HTRA3: variants seen among roughly 807,000 people sequenced by gnomAD.
HTRA3 encodes the protein serine protease HTRA3.
In HTRA3, 41 loss-of-function variants were observed where a neutral mutation model predicts 43.2. The ratio of observed to expected loss-of-function variants is 0.95; its 90% confidence interval spans 0.74 to 1.23. The LOEUF (loss-of-function observed/expected upper bound fraction) is 1.23. Ranked by LOEUF, HTRA3 falls within the 50% of genes most tolerant of loss-of-function variation. The pLI is 0.00. For missense variants in HTRA3, 628 were observed against 647.1 expected, an observed-to-expected ratio of 0.97 and a Z score of 0.32; for synonymous variants, 295 against 287.9, an observed-to-expected ratio of 1.02 and a Z score of -0.25.
At chr4:8,301,629 ATTGAT>A (rs1713660664) in intron 6 of HTRA3, among the ~76,000 whole-genome samples, 1 of 152,092 alleles carries the variant, frequency 6.6e-6, no homozygotes, top group South Asian at 2.1e-4. Flanking sequence ...AACTGAGGTT[ATTGAT>A]TTGAGACTTT....
At chr4:8,287,537 A>C (rs1246895730) in intron 3 of HTRA3, among the ~76,000 whole-genome samples, 1 of 152,198 alleles carries the variant, frequency 6.6e-6, no homozygotes, top group Non-Finnish European at 1.5e-5. Context: ...ACATCTTCTC[A>C]TGGCAGAGCC....
chr4:8,285,119 C>G (rs569098718), intron 2 of HTRA3, among the ~76,000 whole-genome samples: 61 of 152,274 alleles, frequency 4.0e-4, no homozygotes, highest in African/African-American at 1.4e-3. Flanking sequence ...TCATGGCCTT[C>G]CCCTCTGTGA....
chr4:8,288,099 C>A (rs1487810665), intron 3 of HTRA3, among the ~76,000 whole-genome samples: 1 of 152,184 alleles, frequency 6.6e-6, no homozygotes, highest in Non-Finnish European at 1.5e-5. Context: ...AAGGGGGTTT[C>A]CTCTTGCCCC....
chr4:8,292,736 G>C (rs1426065989), intron 5 of HTRA3, among the ~76,000 whole-genome samples: 1 of 152,224 alleles, frequency 6.6e-6, no homozygotes, highest in Non-Finnish European at 1.5e-5. Context: ...GAGCCTCAAA[G>C]TCAAGCTCAG....
chr4:8,273,194 C>A (rs1375492403), intron 1 of HTRA3, among the ~76,000 whole-genome samples: 2 of 152,332 alleles, frequency 1.3e-5, no homozygotes, highest in East Asian at 3.9e-4. Context: ...CCTGGCTTTT[C>A]CTCTGCAAGG....
At chr4:8,300,902 TCA>T (rs1204056867) in intron 6 of HTRA3, among the ~76,000 whole-genome samples, 1 of 151,986 alleles carries the variant, frequency 6.6e-6, no homozygotes, top group Non-Finnish European at 1.5e-5. Flanking sequence ...TATTATTGAT[TCA>T]CACTCTCAGC....
intron 2 of HTRA3, among the ~76,000 whole-genome samples, chr4:8,284,829 C>T (rs1439419023): frequency 6.6e-6 from 1 of 152,212 alleles, no homozygotes; most frequent in Non-Finnish European, 1.5e-5. Context: ...TCAGTTTTCC[C>T]ACCATAAAGA....
At chr4:8,272,905 C>T (rs903166299) in intron 1 of HTRA3, among the ~76,000 whole-genome samples, 1 of 152,248 alleles carries the variant, frequency 6.6e-6, no homozygotes, top group African/African-American at 2.4e-5. Flanking sequence ...GGGCGGTGTG[C>T]AGCCCTGCCA....
intron 5 of HTRA3, among the ~76,000 whole-genome samples, chr4:8,293,551 G>A (rs1180925177): frequency 6.6e-6 from 1 of 152,150 alleles, no homozygotes; most frequent in East Asian, 1.9e-4. Context: ...GTGTGCCTGA[G>A]TGTGAGGTCC....
rs1712642579 is a variant in HTRA3, at chr4:8,279,112, C to T, written c.386-3325C>T. On this transcript the variant is annotated intron_variant, in intron 1 of 8. Transcript: ENST00000307358. This position sits in a 1 kb window ranked among gnomAD's most constrained non-coding sequence, Gnocchi z 7.4. The stretch of plus-strand genomic sequence containing the variant: ...CAGATGGTCTCTGTCCCAAAGGAGC[C>T]TGGGGTGTGGGGTGGGCACGTGCGG... 6.6e-6 allele frequency among the ~76,000 whole-genome samples: 1 copy of T among 152,110 alleles called. No homozygotes were observed. The highest frequency in any genetic ancestry group is 2.1e-4 in the South Asian group (1 of 4,822).
At chr4:8,298,829 T>C (rs892462001) in intron 6 of HTRA3, among the ~76,000 whole-genome samples, 3 of 152,206 alleles carry the variant, frequency 2.0e-5, no homozygotes, top group Non-Finnish European at 4.4e-5. Context: ...CCATTCCAGC[T>C]GTCTGTGTTT....
rs1363629252 is a variant in HTRA3, at chr4:8,295,247, T to A, written c.1051+1046T>A. 2.0e-5 allele frequency among the ~76,000 whole-genome samples: 3 copies of A among 152,162 alleles called. No homozygotes were observed. The highest frequency in any genetic ancestry group is 4.4e-5 in the Non-Finnish European group (3 of 68,020). On this transcript the variant is annotated intron_variant, in intron 6 of 8. Transcript: ENST00000307358. This position sits in a 1 kb window ranked among gnomAD's most constrained non-coding sequence, Gnocchi z 6.9. The stretch of plus-strand genomic sequence containing the variant: ...CCTGAGTACTTCCTCTTCCAGCCTG[T>A]GGCCCATGGAGATCACATGGTAGAA...
rs1405295393 is a variant in HTRA3 at position 8,287,638 on chromosome 4, A to C, written c.708+855A>C. On this transcript the variant is annotated intron_variant, in intron 3 of 8. Coordinates refer to ENST00000307358, the MANE Select transcript of HTRA3 (RefSeq NM_053044.5). ...ACCACCATGAGAACAGCATGGGGGA[A>C]GTCTGCCCCCATGATCCCATCACCT... 2.6e-5 allele frequency among the ~76,000 whole-genome samples: 4 copies of C among 152,148 alleles called. No individual in the cohort carries two copies. The South Asian group carries it at 6.2e-4, about 24-fold the overall frequency.
rs1713491001 is a variant in HTRA3, at chr4:8,297,340, C to T, written c.1051+3139C>T. Among the ~76,000 whole-genome samples the T allele has an allele frequency of 6.6e-6, 1 of 152,110 alleles. No individual in the cohort carries two copies. The highest frequency in any genetic ancestry group is 6.5e-5 in the Admixed American group (1 of 15,276). On this transcript the variant is annotated intron_variant, in intron 6 of 8. Coordinates refer to ENST00000307358, the MANE Select transcript of HTRA3 (RefSeq NM_053044.5). This position sits in a 1 kb window ranked among gnomAD's most constrained non-coding sequence, Gnocchi z 5.8. Reference sequence around the variant, plus strand: ...GCTTTCCCCAGCTCTGGCCCAGGGGCATTACCAGGCCTCTGCTTTCCCGCC... The same window carrying T: ...GCTTTCCCCAGCTCTGGCCCAGGGGTATTACCAGGCCTCTGCTTTCCCGCC...
At chr4:8,305,266 G>A (rs1409891524) in intron 8 of HTRA3, among the ~76,000 whole-genome samples, 1 of 152,270 alleles carries the variant, frequency 6.6e-6, no homozygotes, top group African/African-American at 2.4e-5. Flanking sequence ...TCTGTGATGA[G>A]CACAGATGGC....
chr4:8,302,588 C>T (rs1461050847), intron 7 of HTRA3, 77 bp downstream of exon 7: 8 of 1,469,848 alleles, frequency 5.4e-6, no homozygotes, highest in Non-Finnish European at 4.8e-6. Flanking sequence ...CAGACCCTGG[C>T]TGGCTGTGTT....
Position 8,304,166 on chromosome 4 carries a change from A to T in HTRA3, c.1101-18A>T. The T allele has an allele frequency of 1.2e-6, 2 of 1,609,728 alleles. No individual in the cohort carries two copies. The highest frequency in any genetic ancestry group is 1.7e-6 in the Non-Finnish European group (2 of 1,176,154). On this transcript the variant is annotated intron_variant, in intron 7 of 8. Transcript: ENST00000307358. ...GCAAAGGCTCAGGGGAGGGGCCTTG[A>T]CGGCAGACTCTTTCCAGCCTGGTGG...
chr4:8,271,562 C>T (rs1560132230), intron 1 of HTRA3, among the ~76,000 whole-genome samples: 1 of 152,210 alleles, frequency 6.6e-6, no homozygotes, highest in Admixed American at 6.5e-5. Context: ...TGTGCTGGTA[C>T]AACGCCTGAG....
rs536635131 is a variant in HTRA3, at chr4:8,296,152, G to A, written c.1051+1951G>A. On this transcript the variant is annotated intron_variant, in intron 6 of 8. Coordinates refer to ENST00000307358, the MANE Select transcript of HTRA3 (RefSeq NM_053044.5). This position sits in a 1 kb window ranked among gnomAD's most constrained non-coding sequence, Gnocchi z 5.3. ...CTGTTTGCACACACTGAGCTGTGAG[G>A]TGGCTTTCCTTGGAAGTGGATGATA... The A allele has an allele frequency of 4.0e-6, 4 of 991,598 alleles. No homozygotes were observed. The African/African-American group carries it at 5.2e-5, about 13-fold the overall frequency. 61.4% of individuals were successfully genotyped at this position (991,598 alleles called of 1,614,324 possible). A position where few individuals can be genotyped will look rare whatever the true frequency, so the allele number is the denominator to read the frequency against.
Sources: gnomAD v4.1 joint callset for allele counts (sites outside exome capture counted in the v4.1 genomes callset) on GRCh38, gnomAD v4.1.1 for gene constraint, Gnocchi (gnomAD v3.1) non-coding constraint, MANE v1.5 for transcripts, NCBI Gene and HGNC (gene_info 2026-07-23, HGNC 2026-07-21) for gene names.